The following SNX8 variants were observed in gnomAD, a reference collection of about 807,000 sequenced individuals.
SNX8 encodes sorting nexin 8, also known as sorting nexin-8.
A neutral mutation model predicts 51.6 loss-of-function variants in SNX8; 25 were observed. The ratio of observed to expected loss-of-function variants is 0.48; its 90% confidence interval spans 0.35 to 0.68. The LOEUF (loss-of-function observed/expected upper bound fraction) is 0.68, where lower values mean the gene tolerates loss of function less well. Among genes scored for constraint, SNX8 ranks in the 30% least tolerant of loss-of-function variants. The pLI is 0.00. For synonymous variants in SNX8, 324 were observed against 277.0 expected, an observed-to-expected ratio of 1.17 and a Z score of -1.68; for missense variants, 695 against 624.0, an observed-to-expected ratio of 1.11 and a Z score of -1.21.
At chr7:2,346,940 A>C (rs891173829) in intron 1 of SNX8, among the ~76,000 whole-genome samples, 3 of 151,084 alleles carry the variant, frequency 2.0e-5, no homozygotes, top group Non-Finnish European at 3.0e-5. Context: ...AAAAAAAAAA[A>C]AGAAAAAAGG....
chr7:2,353,493 A>ACTGG (rs1196404996), intron 1 of SNX8, among the ~76,000 whole-genome samples: 1 of 152,040 alleles, frequency 6.6e-6, no homozygotes, highest in Non-Finnish European at 1.5e-5. Context: ...TGTTGCCCTG[A>ACTGG]CTGGTCTTGA....
At chr7:2,320,286 C>T (rs1044461272) in intron 1 of SNX8, among the ~76,000 whole-genome samples, 5 of 151,632 alleles carry the variant, frequency 3.3e-5, no homozygotes, top group African/African-American at 4.8e-5. Flanking sequence ...ACCTGGGAGG[C>T]GGAGGTTGTG....
intron 3 of SNX8, chr7:2,274,860 A>C (rs898620015): frequency 6.0e-6 from 3 of 499,586 alleles, no homozygotes; most frequent in Non-Finnish European, 1.1e-5. Flanking sequence ...CTGCACAGCA[A>C]GGGCTTCCCC....
intron 1 of SNX8, among the ~76,000 whole-genome samples, chr7:2,328,686 TCACGCCTG>T (rs1350501397): frequency 6.6e-6 from 1 of 151,978 alleles, no homozygotes; most frequent in Non-Finnish European, 1.5e-5. Context: ...GCACGGTGGC[TCACGCCTG>T]TAATCCCAGC....
At chr7:2,314,447 C>T (rs1796721500), upstream of SNX8, 3 of 1,205,662 alleles carry the variant, frequency 2.5e-6, no homozygotes, top group East Asian at 3.4e-5. Context: ...CACGTGACTT[C>T]CTCCCGCGCC....
chr7:2,255,343 A>C (rs955370108), intron 10 of SNX8, among the ~76,000 whole-genome samples, 174 bp from the exon 11 acceptor site: 1 of 152,192 alleles, frequency 6.6e-6, no homozygotes, highest in Non-Finnish European at 1.5e-5. Context: ...GGAAGCCCAA[A>C]TGAGGAGTGG....
At chr7:2,348,226 G>T (rs1047356333) in intron 1 of SNX8, among the ~76,000 whole-genome samples, 3 of 151,968 alleles carry the variant, frequency 2.0e-5, no homozygotes. Flanking sequence ...CACAGTTCCT[G>T]ACACCTAAAT....
intron 2 of SNX8, among the ~76,000 whole-genome samples, chr7:2,277,031 T>G (rs1037899587): frequency 1.8e-4 from 28 of 152,226 alleles, no homozygotes; most frequent in African/African-American, 4.8e-5. Flanking sequence ...GGCAGTGCCG[T>G]CCGGCCGGGG....
At chr7:2,330,591 T>TC (rs754640859) in intron 1 of SNX8, among the ~76,000 whole-genome samples, 7 of 152,086 alleles carry the variant, frequency 4.6e-5, no homozygotes, top group Non-Finnish European at 7.4e-5. Context: ...AGACTTGTGA[T>TC]CAGGGTCTGG....
chr7:2,343,540 T>C (rs9638744), intron 1 of SNX8, among the ~76,000 whole-genome samples: 79,561 of 151,514 alleles, frequency 0.53, 21,113 homozygotes, highest in East Asian at 0.75. Context: ...CCGGGTGTGG[T>C]GGCGTGCACC....
intron 1 of SNX8, among the ~76,000 whole-genome samples, chr7:2,307,404 G>A (rs896960062): frequency 4.2e-5 from 6 of 143,310 alleles, no homozygotes; most frequent in East Asian, 1.9e-4. Flanking sequence ...AAGCCAAGGC[G>A]GGGGGATCAC....
intron 7 of SNX8, among the ~76,000 whole-genome samples, chr7:2,258,944 G>A (rs543796749): frequency 2.0e-5 from 3 of 152,144 alleles, no homozygotes; most frequent in South Asian, 2.1e-4. Context: ...CTGGGGACAC[G>A]AAGCAGCCCC....
Position 2,304,351 on chromosome 7 carries a change from T to C in SNX8, c.94+9977A>G, listed in dbSNP as rs546593567. The stretch of plus-strand genomic sequence containing the variant: ...CGAGGTCAGGAGATAGAGACCATCC[T>C]GGCTAACAGGGTGAAACCCCATCTC... On this transcript the variant is annotated intron_variant, in intron 1 of 10. Coordinates refer to ENST00000222990, the MANE Select transcript of SNX8 (RefSeq NM_013321.4). 1.2e-3 allele frequency among the ~76,000 whole-genome samples: 188 copies of C among 150,732 alleles called. 1 individual carries two copies. Among genetic ancestry groups the C allele is most frequent in the African/African-American group, 4.0e-3 (165 of 41,118 alleles).
At chr7:2,322,495 G>T (rs993937888) in intron 1 of SNX8, among the ~76,000 whole-genome samples, 2 of 152,042 alleles carry the variant, frequency 1.3e-5, no homozygotes, top group African/African-American at 4.8e-5. Context: ...AGGGGTTCGA[G>T]ATCAGCCTGG....
At chr7:2,283,559 G>A (rs1006373339) in intron 1 of SNX8, among the ~76,000 whole-genome samples, 6 of 152,188 alleles carry the variant, frequency 3.9e-5, no homozygotes, top group Non-Finnish European at 7.3e-5. Flanking sequence ...ACCTGAATGC[G>A]CATTCCCATG....
intron 1 of SNX8, among the ~76,000 whole-genome samples, chr7:2,352,599 G>A (rs866042514): frequency 5.9e-5 from 9 of 152,066 alleles, no homozygotes; most frequent in African/African-American, 1.2e-4. Flanking sequence ...TTGGGAGGCC[G>A]AGGCAGGCGG....
At chr7:2,307,957 T>C (rs1796583296) in intron 1 of SNX8, 1 of 151,852 alleles carries the variant, frequency 6.6e-6, no homozygotes, top group Admixed American at 6.6e-5. Context: ...TAACCACAAA[T>C]TCTGGCAAAA....
intron 1 of SNX8, among the ~76,000 whole-genome samples, chr7:2,324,293 C>CT (rs370841279): frequency 0.26 from 35,826 of 137,416 alleles, 4,855 homozygotes; most frequent in Middle Eastern, 0.45. Context: ...TTCTTTCTTT[C>CT]TTTTTTTTTT....
chr7:2,347,299 C>T lies in SNX8; in HGVS notation c.-66+6923G>A, dbSNP rs562606539. On this transcript the variant is annotated intron_variant, in intron 1 of 5. Coordinates refer to the SNX8 transcript ENST00000435336. ...GAGTTTGAGACCAGCCTGGCTAACA[C>T]GGCGAAACCTGTTTCTAATAAAAAT... Among the ~76,000 whole-genome samples the T allele has an allele frequency of 5.9e-5, 9 of 151,980 alleles. No individual in the cohort carries two copies. In the South Asian group the frequency reaches 1.2e-3, roughly 21 times the overall value.
Sources: allele counts gnomAD v4.1 joint callset (sites outside exome capture counted in the v4.1 genomes callset), GRCh38; gene constraint gnomAD v4.1.1; transcripts MANE v1.5; gene names NCBI Gene and HGNC (gene_info 2026-07-23, HGNC 2026-07-21).